CSMD1: variants seen among roughly 807,000 people sequenced by gnomAD.
CSMD1 encodes the protein CUB and sushi domain-containing protein 1.
In CSMD1, 213 loss-of-function variants were observed where a neutral mutation model predicts 417.5. The observed-to-expected ratio is 0.51, with a 90% CI of 0.46 to 0.57. CSMD1 has a LOEUF of 0.57. Ranked by LOEUF, CSMD1 falls within the 20% of genes least tolerant of loss-of-function variation. The probability of loss-of-function intolerance (pLI) is 0.00; values close to 1 mark genes in which losing one functional copy is unlikely to be tolerated. For missense variants in CSMD1, 6,923 were observed against 4,529.7 expected (o/e 1.53, Z -15.17); for synonymous variants, 2,862 against 1,736.8 (o/e 1.65, Z -16.11).
At chr8:4,227,349 G>C (rs945855673) in intron 3 of CSMD1, among the ~76,000 whole-genome samples, 2 of 152,074 alleles carry the variant, frequency 1.3e-5, no homozygotes, top group African/African-American at 4.8e-5. Context: ...GTCCTAATAA[G>C]AGGTCTATTG....
intron 1 of CSMD1, among the ~76,000 whole-genome samples, chr8:4,916,075 T>C (rs1210491150): frequency 2.0e-5 from 3 of 152,176 alleles, no homozygotes; most frequent in Admixed American, 2.0e-4. Flanking sequence ...GCACTTCAGA[T>C]TACGTTCATA....
chr8:4,413,379 A>G (rs1457177997), intron 3 of CSMD1, among the ~76,000 whole-genome samples: 1 of 152,172 alleles, frequency 6.6e-6, no homozygotes, highest in Admixed American at 6.6e-5. Context: ...ATTAGAAGTC[A>G]CAGGTAGCAC....
intron 1 of CSMD1, among the ~76,000 whole-genome samples, chr8:4,801,374 G>C (rs747974691): frequency 1.3e-4 from 20 of 152,108 alleles, no homozygotes; most frequent in Non-Finnish European, 2.8e-4. Context: ...CCAGTACTGA[G>C]CAGATTCAAA....
chr8:3,362,038 C>G (rs1000692280), intron 20 of CSMD1, among the ~76,000 whole-genome samples: 17 of 152,168 alleles, frequency 1.1e-4, no homozygotes, highest in Non-Finnish European at 1.6e-4. Flanking sequence ...CTCACCAACG[C>G]AAAGATTTTG....
chr8:4,410,284 G>C (rs1325946040), intron 3 of CSMD1, among the ~76,000 whole-genome samples: 4 of 152,132 alleles, frequency 2.6e-5, no homozygotes, highest in South Asian at 2.1e-4. Context: ...TTTCACAAGG[G>C]AAAACAAATT....
At chr8:3,091,101 G>C (rs554862686) in intron 48 of CSMD1, among the ~76,000 whole-genome samples, 1 of 151,938 alleles carries the variant, frequency 6.6e-6, no homozygotes, top group East Asian at 1.9e-4. Context: ...TACATAAAGA[G>C]ACCTGCAGAT....
chr8:4,227,814 C>G (rs912182629), intron 3 of CSMD1, among the ~76,000 whole-genome samples: 1 of 150,218 alleles, frequency 6.7e-6, no homozygotes, highest in Non-Finnish European at 1.5e-5. Flanking sequence ...CAACCCCACA[C>G]CAGGAGACAT....
At chr8:3,423,169 T>G (rs958313908) in intron 12 of CSMD1, among the ~76,000 whole-genome samples, 1 of 152,184 alleles carries the variant, frequency 6.6e-6, no homozygotes, top group Non-Finnish European at 1.5e-5. Flanking sequence ...AGGAATGAAT[T>G]AGGTACCACA....
intron 4 of CSMD1, among the ~76,000 whole-genome samples, chr8:4,008,219 A>G (rs1816278947): frequency 6.6e-6 from 1 of 152,076 alleles, no homozygotes; most frequent in Non-Finnish European, 1.5e-5. Flanking sequence ...TTCAAGTTCC[A>G]TCAAGTTCAA....
At chr8:3,120,577 G>A (rs775000216) in intron 41 of CSMD1, among the ~76,000 whole-genome samples, 76 of 152,072 alleles carry the variant, frequency 5.0e-4, no homozygotes, top group Non-Finnish European at 1.0e-4. Context: ...GGCTGGGCTC[G>A]GTGGCTCATG....
intron 1 of CSMD1, among the ~76,000 whole-genome samples, chr8:4,750,656 G>A (rs372475957): frequency 2.0e-5 from 3 of 151,698 alleles, no homozygotes; most frequent in African/African-American, 7.3e-5. Context: ...AAAATTAAAG[G>A]AATCTAGTTT....
At chr8:4,024,264 A>C (rs1796946670) in intron 4 of CSMD1, among the ~76,000 whole-genome samples, 1 of 152,220 alleles carries the variant, frequency 6.6e-6, no homozygotes, top group Non-Finnish European at 1.5e-5. Flanking sequence ...CAATTGAGAA[A>C]GTTCACAACG....
chr8:4,577,221 G>T (rs192346176), intron 2 of CSMD1, among the ~76,000 whole-genome samples: 38 of 152,066 alleles, frequency 2.5e-4, no homozygotes, highest in Non-Finnish European at 1.5e-5. Flanking sequence ...ATCAAATATA[G>T]AATGTAAGAA....
At chr8:4,766,820 TG>T (rs765226336) in intron 1 of CSMD1, among the ~76,000 whole-genome samples, 1 of 152,198 alleles carries the variant, frequency 6.6e-6, no homozygotes, top group Non-Finnish European at 1.5e-5. Flanking sequence ...ATGGACATTA[TG>T]TTAACCATGA....
At chr8:4,713,107 C>A (rs1321288192) in intron 1 of CSMD1, among the ~76,000 whole-genome samples, 1 of 152,188 alleles carries the variant, frequency 6.6e-6, no homozygotes, top group Admixed American at 6.5e-5. Flanking sequence ...TAAAGTCATT[C>A]ATTTGAGTTA....
intron 41 of CSMD1, among the ~76,000 whole-genome samples, chr8:3,124,386 T>C (rs186065432): frequency 9.8e-5 from 15 of 152,286 alleles, no homozygotes; most frequent in Admixed American, 9.2e-4. Context: ...GTAAAGAAAA[T>C]ATAAAACCTG....
At chr8:3,557,310 T>C (rs991542971) in intron 10 of CSMD1, among the ~76,000 whole-genome samples, 1 of 152,198 alleles carries the variant, frequency 6.6e-6, no homozygotes, top group Non-Finnish European at 1.5e-5. Flanking sequence ...CAAAAGACCT[T>C]TAATTATGGC....
chr8:4,253,413 T>G (rs1585102571), intron 3 of CSMD1, among the ~76,000 whole-genome samples: 2 of 152,314 alleles, frequency 1.3e-5, no homozygotes, highest in Middle Eastern at 6.8e-3. Flanking sequence ...TTTATATATT[T>G]TTTTCCCACA....
intron 1 of CSMD1, among the ~76,000 whole-genome samples, chr8:4,969,900 T>A (rs1049814648): frequency 1.3e-5 from 2 of 152,100 alleles, no homozygotes; most frequent in African/African-American, 4.8e-5. Context: ...ATAAAGGTAG[T>A]TTAGAGTTTG....
Sources: allele counts gnomAD v4.1 joint callset (sites outside exome capture counted in the v4.1 genomes callset), GRCh38; gene constraint gnomAD v4.1.1; transcripts MANE v1.5; gene names NCBI Gene and HGNC (gene_info 2026-07-23, HGNC 2026-07-21).